The following TRPM3 variants were observed in gnomAD, a reference collection of about 807,000 sequenced individuals.
TRPM3 encodes the protein transient receptor potential cation channel subfamily M member 3.
In TRPM3, 77 loss-of-function variants were observed where a neutral mutation model predicts 181.2. That is an observed-to-expected ratio of 0.42 (90% CI 0.35 to 0.51). The LOEUF is 0.51. Ranked by LOEUF, TRPM3 falls within the 20% of genes least tolerant of loss-of-function variation. The pLI, the probability that TRPM3 is intolerant of heterozygous loss-of-function variation, is 0.01. For synonymous variants in TRPM3, 745 were observed against 796.4 expected, an observed-to-expected ratio of 0.94 and a Z score of 1.09; for missense variants, 1,759 against 2,196.7, an observed-to-expected ratio of 0.80 and a Z score of 3.98.
chr9:70,964,920 A>G (rs1405754862), intron 1 of TRPM3, among the ~76,000 whole-genome samples: 1 of 152,012 alleles, frequency 6.6e-6, no homozygotes. Context: ...TGTATAATAT[A>G]ATGTGCACCA....
At chr9:71,318,965 C>A (rs536771635) in intron 1 of TRPM3, among the ~76,000 whole-genome samples, 35 of 138,794 alleles carry the variant, frequency 2.5e-4, no homozygotes, top group African/African-American at 5.4e-4. Flanking sequence ...AGGCTGCTTT[C>A]TGTTACTATT....
chr9:71,095,978 A>T (rs1432166546), intron 1 of TRPM3, among the ~76,000 whole-genome samples: 2 of 152,162 alleles, frequency 1.3e-5, no homozygotes, highest in African/African-American at 2.4e-5. Context: ...GGTCAATTGT[A>T]AAAATCAAAG....
At chr9:71,099,418 C>T (rs2067914468) in intron 1 of TRPM3, among the ~76,000 whole-genome samples, 1 of 152,168 alleles carries the variant, frequency 6.6e-6, no homozygotes, top group African/African-American at 2.4e-5. Flanking sequence ...TCAGTCAGTA[C>T]TTGCAATATC....
chr9:71,089,176 T>C (rs1232811503), intron 1 of TRPM3, among the ~76,000 whole-genome samples: 1 of 147,886 alleles, frequency 6.8e-6, no homozygotes, highest in Non-Finnish European at 1.5e-5. Context: ...TGAATATATA[T>C]TTTTATGATA....
intron 1 of TRPM3, among the ~76,000 whole-genome samples, chr9:71,081,206 A>C (rs2064280924): frequency 6.6e-6 from 1 of 152,210 alleles, no homozygotes; most frequent in Non-Finnish European, 1.5e-5. Context: ...ATATGTCAAC[A>C]GACTACCTGG....
chr9:71,194,087 A>T (rs1189067108), intron 1 of TRPM3, among the ~76,000 whole-genome samples: 1 of 151,904 alleles, frequency 6.6e-6, no homozygotes, highest in Admixed American at 6.6e-5. Context: ...CAATTTTTGT[A>T]ATTTGTCACC....
At chr9:71,152,291 G>A (rs1365108865) in intron 1 of TRPM3, among the ~76,000 whole-genome samples, 1 of 152,096 alleles carries the variant, frequency 6.6e-6, no homozygotes, top group African/African-American at 2.4e-5. Context: ...TGTATGTTAT[G>A]TATTCTCAAG....
At chr9:70,841,381 A>G (rs909719834) in intron 5 of TRPM3, among the ~76,000 whole-genome samples, 2 of 151,900 alleles carry the variant, frequency 1.3e-5, no homozygotes, top group African/African-American at 4.8e-5. Flanking sequence ...TCCTTATCCT[A>G]TGTATCCTGG....
intron 1 of TRPM3, among the ~76,000 whole-genome samples, chr9:71,089,379 T>G (rs188057942): frequency 1.3e-3 from 194 of 151,524 alleles, no homozygotes; most frequent in Middle Eastern, 6.9e-3. Context: ...TTAGATAGCG[T>G]TTCTACCTCC....
At chr9:71,338,430 A>G (rs1477134706) in intron 1 of TRPM3, among the ~76,000 whole-genome samples, 2 of 152,158 alleles carry the variant, frequency 1.3e-5, no homozygotes, top group Non-Finnish European at 2.9e-5. Context: ...GAGAAACATG[A>G]AAATATGACT....
chr9:70,745,578 C>G (rs1041190699), intron 8 of TRPM3, among the ~76,000 whole-genome samples: 3 of 152,106 alleles, frequency 2.0e-5, no homozygotes, highest in African/African-American at 7.2e-5. Context: ...CAATTTCTCC[C>G]CAAACATTAT....
At chr9:71,286,930 TTA>T (rs144237015) in intron 1 of TRPM3, among the ~76,000 whole-genome samples, 30,866 of 142,258 alleles carry the variant, frequency 0.22, 3,754 homozygotes, top group African/African-American at 0.3. Flanking sequence ...CGATATACTT[TTA>T]TATATATATA....
At chr9:71,257,923 T>C (rs2082773521) in intron 1 of TRPM3, among the ~76,000 whole-genome samples, 1 of 152,144 alleles carries the variant, frequency 6.6e-6, no homozygotes, top group South Asian at 2.1e-4. Flanking sequence ...ATATGCAAAA[T>C]GGGGGAACGG....
At chr9:71,164,807 G>C (rs2134737201) in intron 1 of TRPM3, among the ~76,000 whole-genome samples, 1 of 152,242 alleles carries the variant, frequency 6.6e-6, no homozygotes, top group East Asian at 1.9e-4. Context: ...TTCAGAGATG[G>C]TTATTCACTA....
rs570953679 is a variant in TRPM3 at position 70,582,159 on chromosome 9, T to C, written c.3223+8872A>G. 1.4e-3 allele frequency among the ~76,000 whole-genome samples: 193 copies of C among 142,388 alleles called. 2 individuals carry two copies. The highest frequency in any genetic ancestry group is 4.7e-3 in the African/African-American group (180 of 38,052). The allele number at this position is 142,388 out of a possible 152,430, so 93.4% of individuals were successfully genotyped here. ...CTTTGAGTCCACTTTCCTTTCTCAC[T>C]CCTCCCCGCCTCCACCCTGTGCGTG... On this transcript the variant is annotated intron_variant, in intron 22 of 25. Transcript: ENST00000677713.
At chr9:71,416,864 T>A (rs1442706285) in intron 1 of TRPM3, among the ~76,000 whole-genome samples, 6 of 152,114 alleles carry the variant, frequency 3.9e-5, no homozygotes, top group Non-Finnish European at 8.8e-5. Flanking sequence ...TAATAAGTCA[T>A]CTATCTGTCC....
chr9:71,380,250 G>A (rs2132865076), intron 1 of TRPM3, among the ~76,000 whole-genome samples: 1 of 151,946 alleles, frequency 6.6e-6, no homozygotes, highest in African/African-American at 2.4e-5. Flanking sequence ...CAAGTCATGG[G>A]CCATTCCAGT....
At chr9:70,562,395 C>T (rs1363416114) in intron 22 of TRPM3, among the ~76,000 whole-genome samples, 1 of 152,134 alleles carries the variant, frequency 6.6e-6, no homozygotes, top group East Asian at 1.9e-4. Flanking sequence ...CAAACTAGCT[C>T]CCACTGCATT....
At chr9:71,027,707 A>C (rs1178048087) in intron 1 of TRPM3, among the ~76,000 whole-genome samples, 2 of 152,212 alleles carry the variant, frequency 1.3e-5, no homozygotes, top group African/African-American at 4.8e-5. Context: ...AGCTGAGGAA[A>C]AAATCTCAGA....
Sources: allele counts gnomAD v4.1 joint callset (sites outside exome capture counted in the v4.1 genomes callset), GRCh38; gene constraint gnomAD v4.1.1; transcripts MANE v1.5; gene names NCBI Gene and HGNC (gene_info 2026-07-23, HGNC 2026-07-21).